Variants in KCNC4 observed in about 807,000 individuals in gnomAD.
The protein encoded by KCNC4 is potassium voltage-gated channel subfamily C member 4.
A neutral mutation model predicts 42.8 loss-of-function variants in KCNC4; 23 were observed. That is an observed-to-expected ratio of 0.54 (90% CI 0.39 to 0.76). The LOEUF is 0.76. KCNC4 is among the 30% of genes least tolerant of loss of function. The probability of loss-of-function intolerance (pLI) is 0.00; values close to 1 mark genes in which losing one functional copy is unlikely to be tolerated. For synonymous variants in KCNC4, 422 were observed against 393.5 expected, an observed-to-expected ratio of 1.07 and a Z score of -0.86; for missense variants, 751 against 898.2, an observed-to-expected ratio of 0.84 and a Z score of 2.10.
Position 110,232,244 on chromosome 1 carries a change from C to G in KCNC4, c.1820-667C>G, listed in dbSNP as rs920010685. ...AGGCACATTCGTCCTCCGTGACCTT[C>G]CCCTTCAGCATTCACCTGAGGCTGC... On this transcript the variant is annotated intron_variant, in intron 3 of 3. Transcript: ENST00000438661. 4 of 1,613,918 alleles carry G rather than the reference C, an allele frequency of 2.5e-6. No individual in the cohort carries two copies. The African/African-American group carries it at 5.3e-5, about 22-fold the overall frequency.
At chr1:110,217,758 A>G (rs1657876877) in intron 1 of KCNC4, among the ~76,000 whole-genome samples, 1 of 152,052 alleles carries the variant, frequency 6.6e-6, no homozygotes, top group African/African-American at 2.4e-5. Flanking sequence ...TCCTAGGGGC[A>G]CCCATGGAGG....
chr1:110,239,337 C>T (rs1381510441), exon 4 of KCNC4: 1 of 152,264 alleles, frequency 6.6e-6, no homozygotes, highest in African/African-American at 2.4e-5. Context: ...GGGACCACTT[C>T]ACCCCAGTCC....
At chr1:110,232,104 G>A (rs1001897879) in intron 3 of KCNC4, 5 of 926,234 alleles carry the variant, frequency 5.4e-6, no homozygotes, top group Non-Finnish European at 8.3e-6. Context: ...GTAAGGTAGG[G>A]GAAGGAAAGG....
chr1:110,255,987 T>C (rs1659321793), intron 1 of KCNC4, among the ~76,000 whole-genome samples: 1 of 152,218 alleles, frequency 6.6e-6, no homozygotes, highest in South Asian at 2.1e-4. Flanking sequence ...CAGGGCCATT[T>C]TGCAGTAGAG....
rs148139999 is a variant in KCNC4, at chr1:110,223,855, A to G, written c.1570A>G (p.Ser524Gly). The change falls in exon 2 of 4, where the codon AGC becomes GGC. Residue 524 changes from serine to glycine, a missense_variant. Transcript: ENST00000438661. The surrounding 1 kb of genome is among the most constrained non-coding windows in gnomAD (Gnocchi z 7.5). ...SPRDSTCSDTSPPAREEGMIE... is the reference protein window; with the variant it reads ...SPRDSTCSDTGPPAREEGMIE... ...CCGGGACAGCACCTGCAGTGATACC[A>G]GCCCCCCTGCCCGGGAAGAGGGTAT... is the stretch of plus-strand genomic sequence containing the variant. 98 of 1,606,542 alleles carry G rather than the reference A, an allele frequency of 6.1e-5. No homozygotes were observed. Among genetic ancestry groups the G allele is most frequent in the Non-Finnish European group, 8.0e-5 (94 of 1,174,772 alleles).
At chr1:110,245,750 T>C (rs1003265032) in exon 4 of KCNC4, 1 of 152,266 alleles carries the variant, frequency 6.6e-6, no homozygotes, top group African/African-American at 2.4e-5. Flanking sequence ...TTCTCTTCTC[T>C]TGGCCTGAAG....
chr1:110,254,578 C>T (rs1351209681), intron 1 of KCNC4, among the ~76,000 whole-genome samples: 1 of 152,192 alleles, frequency 6.6e-6, no homozygotes, highest in East Asian at 1.9e-4. Flanking sequence ...AGGCTGCTTG[C>T]TCTAAACTCT....
At chr1:110,252,452 C>T (rs1166982130), downstream of KCNC4, among the ~76,000 whole-genome samples, 1 of 152,108 alleles carries the variant, frequency 6.6e-6, no homozygotes, top group Non-Finnish European at 1.5e-5. Context: ...CTCACTGGCT[C>T]AGGCCTGAGA....
At chr1:110,214,976 C>G (rs574492298) in intron 1 of KCNC4, among the ~76,000 whole-genome samples, 55 of 152,312 alleles carry the variant, frequency 3.6e-4, no homozygotes, top group African/African-American at 1.2e-3. Flanking sequence ...GCCCTGTTCC[C>G]CCCGGTATAT....
intron 2 of KCNC4, 112 bp from the exon 3 acceptor site, chr1:110,225,863 G>GC: frequency 3.0e-6 from 3 of 1,012,690 alleles, no homozygotes; most frequent in Non-Finnish European, 4.4e-6. Context: ...TAGATGCTAG[G>GC]CCCCTCCCAA....
chr1:110,253,410 C>T (rs1659276754), downstream of KCNC4, among the ~76,000 whole-genome samples: 7 of 152,256 alleles, frequency 4.6e-5, no homozygotes, highest in Admixed American at 4.6e-4. Flanking sequence ...GTGGAGGCCA[C>T]ATTCATGCAT....
At chr1:110,274,299 G>T (rs1332592717) in intron 1 of KCNC4, among the ~76,000 whole-genome samples, 1 of 152,074 alleles carries the variant, frequency 6.6e-6, no homozygotes. Context: ...ATACTATTCA[G>T]CCATGAAAAA....
intron 2 of KCNC4, 105 bp from the exon 3 acceptor site, chr1:110,225,870 C>T: frequency 2.7e-6 from 3 of 1,124,264 alleles, no homozygotes. Flanking sequence ...TAGGCCCCTC[C>T]CAAGGTTGAG....
In KCNC4 at chr1:110,222,950, T is replaced by TC; in HGVS notation, c.679-10dup. 7 of 1,601,164 alleles carry TC rather than the reference T, an allele frequency of 4.4e-6. No individual in the cohort carries two copies. Among genetic ancestry groups the TC allele is most frequent in the Non-Finnish European group, 6.0e-6 (7 of 1,169,276 alleles). ...GTCTGACAGCTGCCCCCTGCTCTCC[T>TC]CCCCTGCCCATAGGTAGTGGCCTTT... On this transcript the variant is annotated splice_polypyrimidine_tract_variant and intron_variant, in intron 1 of 3. Transcript: ENST00000438661.
Position 110,211,350 on chromosome 1 carries a change from A to G in KCNC4, c.-150A>G. Reference sequence around the variant, plus strand: ...CTCCCGCTCCGCGTCCTAGGGGGATAGGCAGGGGCAAGCCCAAGCCGCAGA... The same window carrying G: ...CTCCCGCTCCGCGTCCTAGGGGGATGGGCAGGGGCAAGCCCAAGCCGCAGA... On this transcript the variant is annotated 5_prime_UTR_variant, in exon 1 of 4. In the 5' UTR this introduces an upstream ATG that the reference lacks. Transcript: ENST00000438661. The surrounding 1 kb of genome is among the most constrained non-coding windows in gnomAD (Gnocchi z 6.5). 8.8e-7 allele frequency: 1 copy of G among 1,139,714 alleles called. No individual in the cohort carries two copies. Among genetic ancestry groups the G allele is most frequent in the Non-Finnish European group, 1.2e-6 (1 of 821,682 alleles). 70.6% of individuals were successfully genotyped at this position (1,139,714 alleles called of 1,614,324 possible). A position where few individuals can be genotyped will look rare whatever the true frequency, so the allele number is the denominator to read the frequency against.
At chr1:110,216,529 A>G (rs1472947417) in intron 1 of KCNC4, among the ~76,000 whole-genome samples, 1 of 152,074 alleles carries the variant, frequency 6.6e-6, no homozygotes, top group Non-Finnish European at 1.5e-5. Flanking sequence ...CTGAATGCTG[A>G]GGTGTTTCTG....
chr1:110,241,804 A>G (rs915553217), exon 4 of KCNC4: 6 of 152,198 alleles, frequency 3.9e-5, no homozygotes, highest in Admixed American at 2.6e-4. Flanking sequence ...ATGCTCTCAC[A>G]GAACCTTGAA....
In KCNC4 at chr1:110,211,037, G is replaced by A. The variant is rs1327919537; in HGVS notation, c.-463G>A. On this transcript the variant is annotated 5_prime_UTR_variant, in exon 1 of 4. Transcript: ENST00000438661. The surrounding 1 kb of genome is among the most constrained non-coding windows in gnomAD (Gnocchi z 6.5). ...GCTGCTGCGCTGCCGCCGCTGCGGG[G>A]AAGCCGGCTATTCCGGGGCTTGGTG... Among the ~76,000 whole-genome samples the A allele has an allele frequency of 2.6e-5, 4 of 152,374 alleles. No homozygotes were observed. Among genetic ancestry groups the A allele is most frequent in the Admixed American group, 6.5e-5 (1 of 15,312 alleles).
chr1:110,215,919 GTT>G (rs958059502), intron 1 of KCNC4, among the ~76,000 whole-genome samples: 9 of 152,324 alleles, frequency 5.9e-5, no homozygotes, highest in Admixed American at 2.0e-4. Flanking sequence ...AGGATCTCTG[GTT>G]TCCAGAGGGT....
Sources: gnomAD v4.1 joint callset for allele counts (sites outside exome capture counted in the v4.1 genomes callset) on GRCh38, gnomAD v4.1.1 for gene constraint, Gnocchi (gnomAD v3.1) non-coding constraint, MANE v1.5 for transcripts, NCBI Gene and HGNC (gene_info 2026-07-23, HGNC 2026-07-21) for gene names.